The following DHTKD1 variants were observed in gnomAD, a reference collection of about 807,000 sequenced individuals.
DHTKD1 encodes the protein dehydrogenase E1 and transketolase domain containing 1, also known as 2-oxoadipate dehydrogenase complex component E1.
In DHTKD1, 78 loss-of-function variants were observed where a neutral mutation model predicts 101.8. The ratio of observed to expected loss-of-function variants is 0.77; its 90% confidence interval spans 0.64 to 0.93. DHTKD1 has a LOEUF of 0.93. DHTKD1 is among the 40% of genes least tolerant of loss of function. The pLI, the probability that DHTKD1 is intolerant of heterozygous loss-of-function variation, is 0.00. For missense variants in DHTKD1, 1,223 were observed against 1,161.7 expected, an observed-to-expected ratio of 1.05 and a Z score of -0.77; for synonymous variants, 462 against 450.3, an observed-to-expected ratio of 1.03 and a Z score of -0.33.
chr10:12,108,086 T>C lies in DHTKD1; in HGVS notation c.2154+71T>C, dbSNP rs1833277543. 4 of 1,134,772 alleles carry C rather than the reference T, an allele frequency of 3.5e-6. No individual in the cohort carries two copies. The South Asian group carries it at 5.1e-5, about 15-fold the overall frequency. 70.3% of individuals were successfully genotyped at this position (1,134,772 alleles called of 1,614,324 possible). On this transcript the variant is annotated intron_variant, in intron 12 of 16. Transcript: ENST00000263035. Reference sequence around the variant, plus strand: ...CTAGAGCTTTTCTACCTCCTGCGGATAGCTTAACGCCCACCTAACTGTAAC... The same window carrying C: ...CTAGAGCTTTTCTACCTCCTGCGGACAGCTTAACGCCCACCTAACTGTAAC...
chr10:12,076,580 C>T (rs1001888711), intron 1 of DHTKD1, among the ~76,000 whole-genome samples: 4 of 152,092 alleles, frequency 2.6e-5, no homozygotes, highest in Non-Finnish European at 5.9e-5. Flanking sequence ...CACCTGTAAT[C>T]CCAGCTACTT....
In DHTKD1 at chr10:12,119,594, C is replaced by T. The variant is rs111685164; in HGVS notation, c.2573-588C>T. On this transcript the variant is annotated intron_variant, in intron 15 of 16. Coordinates refer to ENST00000263035, the MANE Select transcript of DHTKD1 (RefSeq NM_018706.7). ...TTGCGCTACTGCACTCCAGCCTGGG[C>T]GACAGAGCGAGACTCCGTCTCAAAA... 1.3e-4 allele frequency among the ~76,000 whole-genome samples: 16 copies of T among 127,802 alleles called. No individual in the cohort carries two copies. The South Asian group carries it at 1.9e-3, about 15-fold the overall frequency. 83.8% of individuals were successfully genotyped at this position (127,802 alleles called of 152,430 possible).
chr10:12,086,864 G>T (rs1286554919), intron 3 of DHTKD1, among the ~76,000 whole-genome samples: 1 of 151,898 alleles, frequency 6.6e-6, no homozygotes, highest in East Asian at 1.9e-4. Flanking sequence ...CTAATTTTTA[G>T]ATTTTCAGTA....
At position 12,094,190 on chromosome 10, in the gene DHTKD1, A is replaced by G. The variant is rs1833034257; in HGVS notation, c.1277A>G (p.Asp426Gly). The change falls in exon 7 of 17, where the codon GAT (aspartate) becomes GGT (glycine). Residue 426 changes from aspartate to glycine, a missense_variant. By Grantham distance (94) the Asp-to-Gly change is moderately conservative. Transcript: ENST00000263035. ...QRQFRKDVII[D>G]LLCYRQWGHN... The stretch of plus-strand genomic sequence containing the variant: ...CAGTTCCGCAAGGATGTGATTATTG[A>G]TCTGTTGTGCTACAGGCAGTGGGGC... 1.9e-6 allele frequency: 3 copies of G among 1,614,004 alleles called. No homozygotes were observed. The highest frequency in any genetic ancestry group is 1.3e-5 in the African/African-American group (1 of 74,900).
intron 2 of DHTKD1, 28 bp downstream of exon 2, chr10:12,081,655 C>G: frequency 6.2e-7 from 1 of 1,613,380 alleles, no homozygotes; most frequent in Non-Finnish European, 8.5e-7. Context: ...CAGGCGGGAG[C>G]TCGGAGCTGC....
chr10:12,100,624 C>A (rs559257081), intron 9 of DHTKD1, among the ~76,000 whole-genome samples: 3 of 152,180 alleles, frequency 2.0e-5, no homozygotes, highest in Non-Finnish European at 4.4e-5. Flanking sequence ...CTACCTGTTA[C>A]CTTTGCAGTT....
In DHTKD1 at chr10:12,107,988, AT is replaced by A; in HGVS notation, c.2128del (p.Ser710ProfsTer4). On this transcript the variant is annotated frameshift_variant, in exon 12 of 17. Coordinates refer to ENST00000263035, the MANE Select transcript of DHTKD1 (RefSeq NM_018706.7). LOFTEE classifies it high-confidence loss of function. The surrounding 1 kb of genome is among the most constrained non-coding windows in gnomAD (Gnocchi z 4.1). ...ACGATGGGGCTGGGCCAGACCACTC[AT>A]CCTGTCGAATAGAGCGTTTCCTGCA... is the stretch of plus-strand genomic sequence containing the variant. ...GYDGAGPDHS[S>X]CRIERFLQMC... 9 of 1,613,888 alleles carry A rather than the reference AT, an allele frequency of 5.6e-6. No individual in the cohort carries two copies. Among genetic ancestry groups the A allele is most frequent in the Non-Finnish European group, 7.6e-6 (9 of 1,179,818 alleles).
In DHTKD1 at chr10:12,107,786, T is replaced by C. The variant is rs761723718; in HGVS notation, c.2048-123T>C. 8.3e-5 allele frequency: 54 copies of C among 649,742 alleles called. No individual in the cohort carries two copies. The highest frequency in any genetic ancestry group is 1.4e-4 in the Non-Finnish European group (50 of 360,890). The allele number at this position is 649,742 out of a possible 1,614,324, so 40.2% of individuals were successfully genotyped here. On this transcript the variant is annotated intron_variant, in intron 11 of 16. Transcript: ENST00000263035. This position sits in a 1 kb window ranked among gnomAD's most constrained non-coding sequence, Gnocchi z 4.1. Reference sequence around the variant, plus strand: ...TAGCATAACAGTTCTAGAAGGTGCATGTAATGAAAGCAGTTTTGGGGGGCC... The same window carrying C: ...TAGCATAACAGTTCTAGAAGGTGCACGTAATGAAAGCAGTTTTGGGGGGCC...
intron 2 of DHTKD1, among the ~76,000 whole-genome samples, chr10:12,082,758 G>C (rs1354924158): frequency 6.6e-6 from 1 of 152,080 alleles, no homozygotes; most frequent in Admixed American, 6.6e-5. Context: ...TTGGAATATA[G>C]TGGTGATGCA....
At chr10:12,116,844 C>T (rs1833425512) in intron 13 of DHTKD1, among the ~76,000 whole-genome samples, 1 of 151,940 alleles carries the variant, frequency 6.6e-6, no homozygotes, top group African/African-American at 2.4e-5. Flanking sequence ...GGACTACAGG[C>T]ATGCGCTACC....
intron 7 of DHTKD1, among the ~76,000 whole-genome samples, chr10:12,095,564 A>G (rs1447440636): frequency 2.0e-5 from 3 of 152,076 alleles, no homozygotes; most frequent in Non-Finnish European, 4.4e-5. Flanking sequence ...CTGTAATCCC[A>G]GCACTTTGGG....
At chr10:12,092,028 A>T (rs1253762283) in intron 6 of DHTKD1, among the ~76,000 whole-genome samples, 1 of 136,654 alleles carries the variant, frequency 7.3e-6, no homozygotes, top group African/African-American at 2.8e-5. Context: ...TCCAGCTTGT[A>T]CTCCATGCTG....
intron 10 of DHTKD1, among the ~76,000 whole-genome samples, chr10:12,102,980 T>C (rs1833194446): frequency 6.6e-6 from 1 of 152,062 alleles, no homozygotes; most frequent in South Asian, 2.1e-4. Context: ...CCCAGCACTT[T>C]GGGAGGCCAA....
intron 8 of DHTKD1, among the ~76,000 whole-genome samples, chr10:12,099,186 TAAAAAAAAAAA>T (rs553524920): frequency 7.1e-6 from 1 of 141,762 alleles, no homozygotes; most frequent in Non-Finnish European, 1.5e-5. Flanking sequence ...AAGAGGAAAT[TAAAAAAAAAAA>T]ACCAACCCAC....
At chr10:12,119,565 G>A (rs1342366555) in intron 15 of DHTKD1, among the ~76,000 whole-genome samples, 2 of 145,666 alleles carry the variant, frequency 1.4e-5, no homozygotes, top group Non-Finnish European at 3.0e-5. Flanking sequence ...GCAGTGAGCC[G>A]AGATTGCGCT....
At position 12,077,863 on chromosome 10, in the gene DHTKD1, G is replaced by T. The variant is rs146027678; in HGVS notation, c.155-3609G>T. 4.9e-3 allele frequency among the ~76,000 whole-genome samples: 740 copies of T among 152,054 alleles called. 5 individuals are homozygous for T. The highest frequency in any genetic ancestry group is 8.5e-3 in the Admixed American group (130 of 15,234). On this transcript the variant is annotated intron_variant, in intron 1 of 16. Transcript: ENST00000263035. Reference sequence around the variant, plus strand: ...CATGAAACAGAGTGCCAGAGGTCTCGGTGGAAGGAGGTGGAGACAGAGAGG... The same window carrying T: ...CATGAAACAGAGTGCCAGAGGTCTCTGTGGAAGGAGGTGGAGACAGAGAGG...
At chr10:12,075,248 C>A (rs1161952629) in intron 1 of DHTKD1, among the ~76,000 whole-genome samples, 3 of 152,122 alleles carry the variant, frequency 2.0e-5, no homozygotes, top group Admixed American at 6.6e-5. Context: ...GACACAATCT[C>A]AGCTCACTGC....
Position 12,103,491 on chromosome 10 carries a change from C to CCGTGTGTGTG in DHTKD1, c.1896+2310_1896+2311insCGTGTGTGTG, listed in dbSNP as rs1288679729. 1.4e-5 allele frequency among the ~76,000 whole-genome samples: 2 copies of CCGTGTGTGTG among 144,890 alleles called. No homozygotes were observed. The highest frequency in any genetic ancestry group is 5.1e-5 in the African/African-American group (2 of 39,254). On this transcript the variant is annotated intron_variant, in intron 10 of 16. Coordinates refer to ENST00000263035, the MANE Select transcript of DHTKD1 (RefSeq NM_018706.7). This position sits in a 1 kb window ranked among gnomAD's most constrained non-coding sequence, Gnocchi z 4.8. ...CCCCAACTTCGTTGTACATCTCAATCTGTGTGTGTGTGTGTGTGTGTGTGT... is the reference window on the plus strand; with the variant it reads ...CCCCAACTTCGTTGTACATCTCAATCCGTGTGTGTGTGTGTGTGTGTGTGTGTGTGTGTGT...
chr10:12,120,696 T>C, intron 16 of DHTKD1, 91 bp from the exon 17 acceptor site: 2 of 1,088,380 alleles, frequency 1.8e-6, no homozygotes, highest in Non-Finnish European at 2.8e-6. Context: ...TTAAACAAGC[T>C]AAGAGAAATA....
Sources: gnomAD v4.1 joint callset for allele counts (sites outside exome capture counted in the v4.1 genomes callset) on GRCh38, gnomAD v4.1.1 for gene constraint, Gnocchi (gnomAD v3.1) non-coding constraint, MANE v1.5 for transcripts, NCBI Gene and HGNC (gene_info 2026-07-23, HGNC 2026-07-21) for gene names.